Variants in COMMD1 observed in about 807,000 individuals in gnomAD.
The protein encoded by COMMD1 is copper metabolism domain containing 1.
Under a neutral mutation model 17.2 loss-of-function variants are expected in COMMD1, and 10 were observed. The observed-to-expected ratio is 0.58, with a 90% CI of 0.36 to 0.99. The LOEUF is 0.99. Ranked by LOEUF, COMMD1 falls within the 50% of genes least tolerant of loss-of-function variation. COMMD1 has a pLI of 0.01. For synonymous variants in COMMD1, 97 were observed against 91.6 expected (o/e 1.06, Z -0.34); for missense variants, 270 against 231.8 (o/e 1.17, Z -1.07).
intron 2 of COMMD1, among the ~76,000 whole-genome samples, chr2:62,050,492 T>A (rs969909453): frequency 2.0e-5 from 3 of 152,192 alleles, no homozygotes; most frequent in Admixed American, 2.0e-4. Context: ...TTTCATTTGC[T>A]TTTGTTAGGG....
chr2:62,075,730 C>A (rs1440714492), intron 2 of COMMD1, among the ~76,000 whole-genome samples: 1 of 152,244 alleles, frequency 6.6e-6, no homozygotes, highest in Non-Finnish European at 1.5e-5. Context: ...CTACAACTCA[C>A]AATTCAGACA....
intron 1 of COMMD1, among the ~76,000 whole-genome samples, chr2:61,908,536 TA>T (rs1170747893): frequency 2.7e-5 from 4 of 147,516 alleles, no homozygotes; most frequent in African/African-American, 7.5e-5. Context: ...TTATTTAACT[TA>T]AAAGCAACAC....
In COMMD1 at chr2:61,942,182, C is replaced by T. The variant is rs1670767421; in HGVS notation, c.180+36324C>T. On this transcript the variant is annotated intron_variant, in intron 1 of 2. Transcript: ENST00000311832. ...GCAGTGGCATGATCTTGGCTCACTG[C>T]AACCTCCGCCTCCTAGGTTCAAGCG... 1.3e-5 allele frequency among the ~76,000 whole-genome samples: 2 copies of T among 151,020 alleles called. 1 individual carries two copies. The highest frequency in any genetic ancestry group is 4.2e-4 in the South Asian group (2 of 4,782).
chr2:61,985,307 C>T (rs1257447755), intron 1 of COMMD1, among the ~76,000 whole-genome samples: 1 of 152,178 alleles, frequency 6.6e-6, no homozygotes, highest in Admixed American at 6.5e-5. Flanking sequence ...GCCTTGGCCT[C>T]CCAAAGTGCT....
intron 1 of COMMD1, among the ~76,000 whole-genome samples, chr2:61,991,445 G>A (rs1024940933): frequency 6.6e-6 from 1 of 152,210 alleles, no homozygotes; most frequent in African/African-American, 2.4e-5. Context: ...GTTAGATGAT[G>A]TATTTGCAGA....
intron 1 of COMMD1, among the ~76,000 whole-genome samples, chr2:61,932,096 T>A: frequency 6.6e-6 from 1 of 152,288 alleles, no homozygotes; most frequent in African/African-American, 2.4e-5. Context: ...CTGTCCTCAA[T>A]TGACACCCCT....
intron 1 of COMMD1, among the ~76,000 whole-genome samples, chr2:61,892,592 G>C (rs1669458725): frequency 1.3e-5 from 2 of 151,850 alleles, no homozygotes; most frequent in Admixed American, 1.3e-4. Flanking sequence ...TACTGGGGAG[G>C]CTGAGGCAGG....
At chr2:62,032,317 C>T (rs1442321753) in intron 2 of COMMD1, among the ~76,000 whole-genome samples, 4 of 152,130 alleles carry the variant, frequency 2.6e-5, no homozygotes, top group South Asian at 4.1e-4. Flanking sequence ...AGGAGCATCA[C>T]GTGAGCCCAG....
chr2:61,996,057 C>G (rs538161687), intron 1 of COMMD1, among the ~76,000 whole-genome samples: 1 of 152,146 alleles, frequency 6.6e-6, no homozygotes, highest in East Asian at 1.9e-4. Flanking sequence ...AAGCAGTATA[C>G]ATACTTTAAT....
chr2:62,034,489 G>A (rs1167078324), intron 2 of COMMD1, among the ~76,000 whole-genome samples: 8 of 152,138 alleles, frequency 5.3e-5, no homozygotes, highest in South Asian at 2.1e-4. Flanking sequence ...GTGAGACTCA[G>A]TCTCAAAAAA....
intron 2 of COMMD1, among the ~76,000 whole-genome samples, chr2:62,101,041 T>C (rs1316825916): frequency 6.6e-6 from 1 of 151,698 alleles, no homozygotes; most frequent in South Asian, 2.1e-4. Context: ...GATGAGAATT[T>C]ATGGTTTGTA....
intron 1 of COMMD1, among the ~76,000 whole-genome samples, chr2:61,910,339 C>T (rs1293238729): frequency 1.3e-5 from 2 of 151,940 alleles, no homozygotes; most frequent in East Asian, 3.9e-4. Flanking sequence ...CAACCTCTAC[C>T]TCCTGGGTTC....
At chr2:61,911,711 C>T (rs944789622) in intron 1 of COMMD1, among the ~76,000 whole-genome samples, 1 of 152,180 alleles carries the variant, frequency 6.6e-6, no homozygotes, top group Non-Finnish European at 1.5e-5. Flanking sequence ...TACAGTCTGT[C>T]CTCTGCATAG....
chr2:61,915,838 T>C (rs1157235321), intron 1 of COMMD1: 2 of 322,142 alleles, frequency 6.2e-6, no homozygotes, highest in Non-Finnish European at 1.2e-5. Flanking sequence ...TTTAGTTTTT[T>C]TGATTATTAA....
intron 2 of COMMD1, among the ~76,000 whole-genome samples, chr2:62,043,715 G>C (rs1275034470): frequency 6.6e-6 from 1 of 152,168 alleles, no homozygotes; most frequent in Non-Finnish European, 1.5e-5. Context: ...TATTAATGAT[G>C]AATATGAAGA....
intron 2 of COMMD1, among the ~76,000 whole-genome samples, chr2:62,081,846 A>G (rs983431247): frequency 3.9e-5 from 6 of 152,100 alleles, no homozygotes; most frequent in African/African-American, 1.4e-4. Context: ...GTATATATTC[A>G]AATATGTCAA....
chr2:62,003,246 A>C (rs1038414141), intron 2 of COMMD1, among the ~76,000 whole-genome samples: 4 of 151,156 alleles, frequency 2.6e-5, no homozygotes, highest in African/African-American at 9.8e-5. Context: ...AAAAAAACAA[A>C]ACAAAACAAA....
intron 1 of COMMD1, among the ~76,000 whole-genome samples, chr2:61,999,730 G>A (rs1369264849): frequency 6.6e-6 from 1 of 151,000 alleles, no homozygotes; most frequent in Non-Finnish European, 1.5e-5. Context: ...CACCTGGCTT[G>A]TTTTATTACT....
chr2:61,891,305 C>T (rs6755907), intron 1 of COMMD1, among the ~76,000 whole-genome samples: 59,565 of 152,030 alleles, frequency 0.39, 11,873 homozygotes, highest in Middle Eastern at 0.46. Flanking sequence ...TTTCAAGTTA[C>T]AAACATTTCT....
Sources: allele counts gnomAD v4.1 joint callset (sites outside exome capture counted in the v4.1 genomes callset), GRCh38; gene constraint gnomAD v4.1.1; transcripts MANE v1.5; gene names NCBI Gene and HGNC (gene_info 2026-07-23, HGNC 2026-07-21).